Variants in DEPTOR observed in about 807,000 individuals in gnomAD.
DEPTOR encodes DEP domain containing MTOR interacting protein, also known as DEP domain-containing mTOR-interacting protein.
DEPTOR carries 41 observed loss-of-function variants against 41.6 expected under a neutral mutation model. That is an observed-to-expected ratio of 0.98 (90% CI 0.77 to 1.28). DEPTOR has a LOEUF of 1.28. Among genes scored for constraint, DEPTOR ranks in the 50% most tolerant of loss-of-function variants. DEPTOR has a pLI of 0.00. For missense variants in DEPTOR, 514 were observed against 527.9 expected, an observed-to-expected ratio of 0.97 and a Z score of 0.26; for synonymous variants, 195 against 192.3, an observed-to-expected ratio of 1.01 and a Z score of -0.12.
chr8:119,971,873 T>G (rs1348644239), intron 4 of DEPTOR, among the ~76,000 whole-genome samples: 3 of 152,148 alleles, frequency 2.0e-5, no homozygotes, highest in Non-Finnish European at 4.4e-5. Flanking sequence ...CCAGCAACAT[T>G]GCAGACTCTC....
intron 1 of DEPTOR, among the ~76,000 whole-genome samples, chr8:119,904,603 T>C (rs1464991553): frequency 6.6e-6 from 1 of 151,716 alleles, no homozygotes; most frequent in East Asian, 1.9e-4. Context: ...CAAGCAATTC[T>C]CCCTGCCTCA....
intron 1 of DEPTOR, among the ~76,000 whole-genome samples, chr8:119,892,886 G>A (rs1022711719): frequency 4.0e-5 from 6 of 151,788 alleles, no homozygotes; most frequent in African/African-American, 1.2e-4. Context: ...AGGTTCAAGC[G>A]ATCCTCCTGC....
chr8:119,906,187 C>T (rs1348662261), intron 1 of DEPTOR, among the ~76,000 whole-genome samples: 2 of 151,910 alleles, frequency 1.3e-5, no homozygotes, highest in African/African-American at 2.4e-5. Flanking sequence ...TGCAATGGCT[C>T]ACACCTATAA....
At chr8:120,018,398 C>T (rs1355580172) in intron 8 of DEPTOR, among the ~76,000 whole-genome samples, 5 of 152,030 alleles carry the variant, frequency 3.3e-5, no homozygotes, top group Admixed American at 1.3e-4. Flanking sequence ...GCCAACATGG[C>T]GAAACCCCAT....
chr8:119,950,328 C>T (rs891604373), intron 3 of DEPTOR, among the ~76,000 whole-genome samples: 1 of 152,176 alleles, frequency 6.6e-6, no homozygotes, highest in African/African-American at 2.4e-5. Flanking sequence ...CTGCTATCAC[C>T]TAACCTGTTA....
At chr8:120,002,287 G>A (rs1322969720) in intron 5 of DEPTOR, among the ~76,000 whole-genome samples, 4 of 150,568 alleles carry the variant, frequency 2.7e-5, no homozygotes, top group Non-Finnish European at 5.9e-5. Flanking sequence ...CTACAGGCAC[G>A]TGTCACCATG....
chr8:119,991,300 G>A (rs1812169727), intron 4 of DEPTOR, among the ~76,000 whole-genome samples: 1 of 151,606 alleles, frequency 6.6e-6, no homozygotes, highest in Non-Finnish European at 1.5e-5. Flanking sequence ...CCCTCATGTA[G>A]GCCCCAGGGC....
At chr8:119,967,413 A>G (rs146243671) in intron 4 of DEPTOR, among the ~76,000 whole-genome samples, 1,954 of 149,442 alleles carry the variant, frequency 0.013, 117 homozygotes, top group Admixed American at 0.1. Context: ...CAGTTAACCA[A>G]CGTAGGTCAG....
intron 8 of DEPTOR, among the ~76,000 whole-genome samples, chr8:120,011,675 G>A (rs565401251): frequency 6.6e-6 from 1 of 152,266 alleles, no homozygotes; most frequent in East Asian, 1.9e-4. Context: ...TTAGCCAAAT[G>A]TACAGTGAAA....
chr8:120,005,702 TGGG>T (rs1812426324), intron 6 of DEPTOR, among the ~76,000 whole-genome samples: 1 of 152,074 alleles, frequency 6.6e-6, no homozygotes, highest in Admixed American at 6.6e-5. Flanking sequence ...CCTGGCTACT[TGGG>T]GAGGATACGA....
At position 120,003,047 on chromosome 8, in the gene DEPTOR, C is replaced by T. The variant is rs760321539; in HGVS notation, c.861C>T (p.Ser287=). The change falls in exon 6 of 9, where the codon AGC becomes AGT. Residue 287 remains serine (S), a synonymous_variant. Transcript: ENST00000286234. ...RRSSMSSCGS[S]GYFSSSPTLS... is the part of the protein sequence containing the mutation. ...GCAGCATGAGCAGCTGTGGCAGCAG[C>T]GGCTACTTCAGCAGCAGCCCCACCC... 3.5e-5 allele frequency: 56 copies of T among 1,610,446 alleles called. No homozygotes were observed. Among genetic ancestry groups the T allele is most frequent in the East Asian group, 4.5e-5 (2 of 44,708 alleles).
intron 1 of DEPTOR, among the ~76,000 whole-genome samples, chr8:119,905,936 C>G (rs1431491567): frequency 6.6e-6 from 1 of 152,196 alleles, no homozygotes; most frequent in Non-Finnish European, 1.5e-5. Flanking sequence ...AGCCACTGCA[C>G]TTGGCCAATT....
At chr8:119,975,063 G>C (rs1022979346) in intron 4 of DEPTOR, among the ~76,000 whole-genome samples, 17 of 151,866 alleles carry the variant, frequency 1.1e-4, no homozygotes, top group African/African-American at 3.9e-4. Context: ...CACTTTTAGA[G>C]GCCAAGGCGG....
At position 120,030,497 on chromosome 8, in the gene DEPTOR, G is replaced by GTTTTTTTTTTTTTTTT. The variant is rs1171655489; in HGVS notation, c.1102-19066_1102-19051dup. On this transcript the variant is annotated intron_variant, in intron 8 of 8. Transcript: ENST00000286234. ...AATGATGTATTGTGTAGGTTCATCA[G>GTTTTTTTTTTTTTTTT]TTTTTTTTTTTTTTTTTTTTTTTTT... is the stretch of plus-strand genomic sequence containing the variant. 5.2e-4 allele frequency among the ~76,000 whole-genome samples: 24 copies of GTTTTTTTTTTTTTTTT among 46,216 alleles called. 5 individuals carry two copies. Among genetic ancestry groups the GTTTTTTTTTTTTTTTT allele is most frequent in the South Asian group, 1.2e-3 (1 of 824 alleles). The allele number at this position is 46,216 out of a possible 152,430, so 30.3% of individuals were successfully genotyped here.
intron 8 of DEPTOR, among the ~76,000 whole-genome samples, chr8:120,045,168 A>C (rs542861364): frequency 3.3e-4 from 50 of 151,978 alleles, no homozygotes; most frequent in African/African-American, 1.1e-3. Context: ...CTCTGACCCC[A>C]CTCTTGACTG....
chr8:119,894,151 A>C (rs13250594), intron 1 of DEPTOR, among the ~76,000 whole-genome samples: 75,311 of 151,818 alleles, frequency 0.5, 20,387 homozygotes, highest in East Asian at 0.92. Flanking sequence ...TCACTGCAGC[A>C]TTGACTTCCT....
chr8:119,924,246 T>C (rs929273009), intron 1 of DEPTOR, among the ~76,000 whole-genome samples: 8 of 152,192 alleles, frequency 5.3e-5, no homozygotes, highest in Non-Finnish European at 5.9e-5. Flanking sequence ...TATGGAGGGA[T>C]ATTTTTGCTG....
intron 1 of DEPTOR, among the ~76,000 whole-genome samples, chr8:119,907,145 T>C (rs989285153): frequency 6.6e-6 from 1 of 152,160 alleles, no homozygotes; most frequent in Non-Finnish European, 1.5e-5. Context: ...ACTGTTTTTT[T>C]CACATGGCAA....
At chr8:119,901,794 GC>G (rs1827595031) in intron 1 of DEPTOR, among the ~76,000 whole-genome samples, 1 of 152,092 alleles carries the variant, frequency 6.6e-6, no homozygotes, top group Non-Finnish European at 1.5e-5. Flanking sequence ...CATACTGTTA[GC>G]CTTTGGTCTG....
Sources: gnomAD v4.1 joint callset for allele counts (sites outside exome capture counted in the v4.1 genomes callset) on GRCh38, gnomAD v4.1.1 for gene constraint, MANE v1.5 for transcripts, NCBI Gene and HGNC (gene_info 2026-07-23, HGNC 2026-07-21) for gene names.